DGKB: variants seen among roughly 807,000 people sequenced by gnomAD.
DGKB encodes 90 kDa diacylglycerol kinase.
DGKB carries 67 observed loss-of-function variants against 114.3 expected under a neutral mutation model. That is an observed-to-expected ratio of 0.59 (90% CI 0.48 to 0.72). DGKB has a LOEUF of 0.72. DGKB is among the 30% of genes least tolerant of loss of function. DGKB has a pLI of 0.00. For missense variants in DGKB, 907 were observed against 975.2 expected (o/e 0.93, Z 0.93); for synonymous variants, 398 against 323.1 (o/e 1.23, Z -2.49).
chr7:14,755,710 T>C (rs563638754), intron 3 of DGKB, among the ~76,000 whole-genome samples: 135 of 152,254 alleles, frequency 8.9e-4, no homozygotes, highest in Non-Finnish European at 1.6e-3. Flanking sequence ...TTCTCATCAT[T>C]AGATATTCTT....
At chr7:14,896,390 A>G (rs1468314717) in intron 1 of DGKB, among the ~76,000 whole-genome samples, 1 of 151,686 alleles carries the variant, frequency 6.6e-6, no homozygotes, top group African/African-American at 2.4e-5. Context: ...TATTTTAATA[A>G]GAATATTTGG....
intron 17 of DGKB, among the ~76,000 whole-genome samples, chr7:14,592,799 G>A (rs915182894): frequency 1.3e-5 from 2 of 151,640 alleles, no homozygotes; most frequent in Non-Finnish European, 2.9e-5. Context: ...TCAATTTAAT[G>A]TGACTCTCTC....
intron 21 of DGKB, among the ~76,000 whole-genome samples, chr7:14,384,757 T>C (rs1168517507): frequency 2.0e-5 from 3 of 152,198 alleles, no homozygotes. Context: ...TCTGGTAATA[T>C]GTAGAGACCT....
chr7:14,528,954 T>C (rs1012083391), intron 20 of DGKB, among the ~76,000 whole-genome samples: 3 of 151,986 alleles, frequency 2.0e-5, no homozygotes, highest in African/African-American at 7.2e-5. Context: ...GTTCAGAATT[T>C]GGTCTACTGC....
chr7:14,441,291 G>A (rs1408655121), intron 21 of DGKB, among the ~76,000 whole-genome samples: 1 of 152,132 alleles, frequency 6.6e-6, no homozygotes, highest in East Asian at 1.9e-4. Context: ...ACAGGCATGA[G>A]CCACCACGCC....
At chr7:14,692,505 T>G (rs1221574364) in intron 9 of DGKB, among the ~76,000 whole-genome samples, 2 of 151,998 alleles carry the variant, frequency 1.3e-5, no homozygotes, top group Non-Finnish European at 2.9e-5. Context: ...CTCCCAGTAG[T>G]CTGATTTACA....
chr7:14,645,655 C>G (rs1401687804), intron 13 of DGKB, among the ~76,000 whole-genome samples: 4 of 151,460 alleles, frequency 2.6e-5, no homozygotes, highest in African/African-American at 9.7e-5. Context: ...CAGAAGAAAC[C>G]ATATGGTCAG....
At chr7:14,685,653 C>T (rs369565788) in intron 9 of DGKB, among the ~76,000 whole-genome samples, 11 of 152,236 alleles carry the variant, frequency 7.2e-5, no homozygotes, top group South Asian at 2.1e-4. Flanking sequence ...GGATCAGGGA[C>T]GTGATTGCCT....
chr7:14,217,208 A>G (rs1789127897), intron 23 of DGKB, among the ~76,000 whole-genome samples: 1 of 146,338 alleles, frequency 6.8e-6, no homozygotes, highest in Admixed American at 6.9e-5. Context: ...TTATTTATTA[A>G]AATTTTAAAG....
intron 20 of DGKB, among the ~76,000 whole-genome samples, chr7:14,478,702 A>G (rs1290880377): frequency 6.6e-6 from 1 of 152,024 alleles, no homozygotes; most frequent in African/African-American, 2.4e-5. Flanking sequence ...TCTAGTAAAG[A>G]TAAGTGCAAT....
chr7:14,559,146 A>G (rs948214826), intron 20 of DGKB, among the ~76,000 whole-genome samples: 3 of 152,078 alleles, frequency 2.0e-5, no homozygotes, highest in African/African-American at 7.2e-5. Context: ...ATGTAGAAAT[A>G]CTCTGTAATT....
intron 4 of DGKB, among the ~76,000 whole-genome samples, chr7:14,740,789 C>T (rs898213355): frequency 6.6e-6 from 1 of 152,104 alleles, no homozygotes; most frequent in Non-Finnish European, 1.5e-5. Flanking sequence ...TGCGGATAAT[C>T]CCACCCCCTA....
At chr7:14,844,312 G>C (rs111991790) in intron 1 of DGKB, among the ~76,000 whole-genome samples, 1 of 152,300 alleles carries the variant, frequency 6.6e-6, no homozygotes, top group African/African-American at 2.4e-5. Context: ...TTAATATGGA[G>C]GCTATGTGTT....
chr7:14,948,533 A>G (rs1786006512), intron 1 of DGKB, among the ~76,000 whole-genome samples: 4 of 151,964 alleles, frequency 2.6e-5, no homozygotes, highest in Middle Eastern at 3.4e-3. Context: ...TGTATACTAA[A>G]AAATAGATCT....
At chr7:14,517,505 G>C (rs1202296876) in intron 20 of DGKB, among the ~76,000 whole-genome samples, 1 of 151,468 alleles carries the variant, frequency 6.6e-6, no homozygotes, top group Non-Finnish European at 1.5e-5. Context: ...CACAGCAAAA[G>C]AAACTATCAA....
At chr7:14,170,141 AAAAAAAAGAAAGAAAGAAAG>A (rs1780670638) in intron 25 of DGKB, among the ~76,000 whole-genome samples, 1 of 102,792 alleles carries the variant, frequency 9.7e-6, no homozygotes, top group African/African-American at 3.4e-5. Context: ...TCTCAAAAAA[AAAAAAAAGAAAGAAAGAAAG>A]AAAGAAAGAA....
At chr7:14,674,604 C>T (rs1331961790) in intron 12 of DGKB, among the ~76,000 whole-genome samples, 3 of 152,182 alleles carry the variant, frequency 2.0e-5, no homozygotes, top group South Asian at 4.1e-4. Flanking sequence ...ATTGGAAATA[C>T]GGTCTTTCTA....
At chr7:14,502,776 A>ACC in intron 20 of DGKB, among the ~76,000 whole-genome samples, 1 of 152,188 alleles carries the variant, frequency 6.6e-6, no homozygotes, top group Middle Eastern at 3.4e-3. Context: ...TTCACAGAGC[A>ACC]CCCCAACTGC....
At chr7:14,563,935 T>C (rs1298419351) in intron 20 of DGKB, among the ~76,000 whole-genome samples, 2 of 152,190 alleles carry the variant, frequency 1.3e-5, no homozygotes, top group African/African-American at 4.8e-5. Flanking sequence ...GAAAAAGCTA[T>C]GGTTTCTGCT....
Sources: allele counts gnomAD v4.1 joint callset (sites outside exome capture counted in the v4.1 genomes callset), GRCh38; gene constraint gnomAD v4.1.1; transcripts MANE v1.5; gene names NCBI Gene and HGNC (gene_info 2026-07-23, HGNC 2026-07-21).